The following IL12B variants were observed in gnomAD, a reference collection of about 807,000 sequenced individuals.
IL12B encodes interleukin-12 subunit beta.
Under a neutral mutation model 39.2 loss-of-function variants are expected in IL12B, and 27 were observed. That is an observed-to-expected ratio of 0.69 (90% CI 0.51 to 0.95). The LOEUF (loss-of-function observed/expected upper bound fraction) is 0.95. Ranked by LOEUF, IL12B falls within the 40% of genes least tolerant of loss-of-function variation. The probability of loss-of-function intolerance (pLI) is 0.00; values close to 1 mark genes in which losing one functional copy is unlikely to be tolerated. For synonymous variants in IL12B, 142 were observed against 152.1 expected (o/e 0.93, Z 0.49); for missense variants, 351 against 397.6 (o/e 0.88, Z 1.00).
chr5:159,318,975 C>T, intron 5 of IL12B, 82 bp from the exon 6 acceptor site: 1 of 1,174,472 alleles, frequency 8.5e-7, no homozygotes, highest in Non-Finnish European at 1.3e-6. Flanking sequence ...TCACTTGCAC[C>T]TTTGATCAGC....
chr5:159,319,030 T>C (rs1243531259), intron 5 of IL12B, 137 bp from the exon 6 acceptor site: 2 of 796,838 alleles, frequency 2.5e-6, no homozygotes, highest in Non-Finnish European at 4.2e-6. Flanking sequence ...AGCACCTGGC[T>C]GGCAAATGTG....
intron 4 of IL12B, 27 bp from the exon 5 acceptor site, chr5:159,320,547 G>A (rs750145566): frequency 2.5e-6 from 4 of 1,581,634 alleles, no homozygotes; most frequent in South Asian, 2.2e-5. Context: ...AAATTAGCCT[G>A]TGTTACACAT....
chr5:159,319,970 A>G (rs1296397491), intron 5 of IL12B, among the ~76,000 whole-genome samples: 2 of 152,234 alleles, frequency 1.3e-5, no homozygotes, highest in African/African-American at 2.4e-5. Flanking sequence ...GGTTCTGAAT[A>G]TGAATATTAT....
intron 4 of IL12B, 117 bp from the exon 5 acceptor site, chr5:159,320,637 C>T: frequency 1.2e-6 from 1 of 855,136 alleles, no homozygotes; most frequent in Non-Finnish European, 1.9e-6. Flanking sequence ...GTTTCTCCAA[C>T]TGGGCTGATT....
At position 159,322,460 on chromosome 5, in the gene IL12B, C is replaced by T. The variant is rs759434204; in HGVS notation, c.416G>A (p.Arg139His). 6.8e-6 allele frequency: 11 copies of T among 1,613,848 alleles called. No homozygotes were observed. Among genetic ancestry groups the T allele is most frequent in the East Asian group, 4.5e-5 (2 of 44,892 alleles). The change falls in exon 4 of 8, where the codon CGT (arginine) becomes CAT (histidine). Residue 139 changes from arginine to histidine, a missense_variant. Arg to His is a conservative substitution (Grantham distance 29). Coordinates refer to ENST00000231228, the MANE Select transcript of IL12B (RefSeq NM_002187.3). The part of the protein sequence containing the change: ...LRCEAKNYSG[R>H]FTCWWLTTIS... ...TGTCGTCAGCCACCAGCAGGTGAAA[C>T]GTCCAGAATAATTCTTGGCCTCGCA...
Position 159,317,039 on chromosome 5 carries a change from C to G in IL12B, c.856-223G>C, listed in dbSNP as rs149957653. ...CTTTGTAAGCCCTTGAGGGAGAAAT[C>G]GTTTGGCCCAGCTTTCATCTTTCTA... is the stretch of plus-strand genomic sequence containing the variant. On this transcript the variant is annotated intron_variant, in intron 6 of 7. Transcript: ENST00000231228. Among the ~76,000 whole-genome samples, 769 of 152,310 alleles carry G rather than the reference C, an allele frequency of 5.0e-3. 8 individuals carry two copies. Among genetic ancestry groups the G allele is most frequent in the African/African-American group, 0.017 (726 of 41,546 alleles).
At chr5:159,323,592 A>C (rs1278491239) in intron 2 of IL12B, among the ~76,000 whole-genome samples, 1 of 152,206 alleles carries the variant, frequency 6.6e-6, no homozygotes, top group East Asian at 1.9e-4. Flanking sequence ...ATTATTTAGC[A>C]GATTGGAAAC....
Position 159,323,124 on chromosome 5 carries a change from G to C in IL12B, c.294C>G (p.Ser98Arg), listed in dbSNP as rs1431364350. 1 of 1,614,126 alleles carries C rather than the reference G, an allele frequency of 6.2e-7. No homozygotes were observed. The highest frequency in any genetic ancestry group is 8.5e-7 in the Non-Finnish European group (1 of 1,179,998). The change falls in exon 3 of 8, where the codon AGC becomes AGG. Residue 98 changes from serine to arginine, a missense_variant. Physicochemically the swap from Ser to Arg is moderately radical, Grantham distance 110. Transcript: ENST00000231228. ...TTTTGTGAAGCAGCAGGAGCGAATG[G>C]CTTAGAACCTCGCCTCCTTTGTGAC... ...YTCHKGGEVLSHSLLLLHKKE... is the reference protein window; with the variant it reads ...YTCHKGGEVLRHSLLLLHKKE...
intron 6 of IL12B, among the ~76,000 whole-genome samples, chr5:159,317,790 C>T (rs1754014175): frequency 6.6e-6 from 1 of 152,372 alleles, no homozygotes; most frequent in African/African-American, 2.4e-5. Context: ...TCATTCATTA[C>T]ATGCACTCAG....
Position 159,318,845 on chromosome 5 carries a change from G to A in IL12B, c.746C>T (p.Ser249Phe), listed in dbSNP as rs1584752756. 1 of 1,614,020 alleles carries A rather than the reference G, an allele frequency of 6.2e-7. No homozygotes were observed. The highest frequency in any genetic ancestry group is 8.5e-7 in the Non-Finnish European group (1 of 1,179,896). Residue 249 changes from serine (S) to phenylalanine (F), a missense_variant, in exon 6 of 8, where the codon TCT (serine) becomes TTT (phenylalanine). By Grantham distance (155) the Ser-to-Phe change is radical. Coordinates refer to ENST00000231228, the MANE Select transcript of IL12B (RefSeq NM_002187.3). ...CTCCCAGCTGACCTCCACCTGCCGA[G>A]AATTCTTTAATGGCTTCAGCTGCAA... ...KNLQLKPLKN[S>F]RQVEVSWEYP...
In IL12B at chr5:159,318,813, C is replaced by T. The variant is rs765482576; in HGVS notation, c.778G>A (p.Asp260Asn). Reference protein sequence around the residue: ...RQVEVSWEYPDTWSTPHSYFS... With the variant: ...RQVEVSWEYPNTWSTPHSYFS... ...TAGGAATGTGGAGTACTCCAGGTGT[C>T]AGGGTACTCCCAGCTGACCTCCACC... Residue 260 changes from aspartate to asparagine, a missense_variant, in exon 6 of 8, where the codon GAC (aspartate) becomes AAC (asparagine). Coordinates refer to ENST00000231228, the MANE Select transcript of IL12B (RefSeq NM_002187.3). 1.9e-6 allele frequency: 3 copies of T among 1,613,182 alleles called. No homozygotes were observed. The highest frequency in any genetic ancestry group is 1.1e-5 in the South Asian group (1 of 91,070).
chr5:159,328,211 G>C (rs544577352), intron 1 of IL12B, among the ~76,000 whole-genome samples: 1 of 152,194 alleles, frequency 6.6e-6, no homozygotes, highest in Non-Finnish European at 1.5e-5. Flanking sequence ...CTTGGACACT[G>C]CTCAGTGCTG....
chr5:159,321,347 T>TTATA (rs530647543), intron 4 of IL12B, among the ~76,000 whole-genome samples: 94 of 146,428 alleles, frequency 6.4e-4, no homozygotes, highest in South Asian at 5.0e-3. Context: ...TATACACATT[T>TTATA]TATATATATA....
chr5:159,319,608 G>A (rs368920561), intron 5 of IL12B, among the ~76,000 whole-genome samples: 30 of 152,348 alleles, frequency 2.0e-4, no homozygotes, highest in East Asian at 3.9e-4. Context: ...CAGGTGCTTC[G>A]CACATATGCT....
In IL12B at chr5:159,320,383, G is replaced by A. The variant is rs1166346097; in HGVS notation, c.620C>T (p.Pro207Leu). The A allele has an allele frequency of 1.2e-6, 2 of 1,613,926 alleles. No individual in the cohort carries two copies. The highest frequency in any genetic ancestry group is 2.7e-5 in the African/African-American group (2 of 74,884). ...AACGGCATCCACCATGACCTCAATG[G>A]GCAGACTCTCCTCAGCAGCTGGGCA... ...SACPAAEESL[P>L]IEVMVDAVHK... The change falls in exon 5 of 8, where the codon CCC becomes CTC. Residue 207 changes from proline (P) to leucine (L), a missense_variant. Physicochemically the swap from Pro to Leu is moderately conservative, Grantham distance 98. Transcript: ENST00000231228.
In IL12B at chr5:159,318,855, A is replaced by G. The variant is rs372926766; in HGVS notation, c.736T>C (p.Leu246=). 3.7e-6 allele frequency: 6 copies of G among 1,613,916 alleles called. No homozygotes were observed. Among genetic ancestry groups the G allele is most frequent in the Non-Finnish European group, 5.1e-6 (6 of 1,179,962 alleles). The change falls in exon 6 of 8, where the codon TTA becomes CTA. Residue 246 remains leucine (L), a synonymous_variant. Coordinates refer to ENST00000231228, the MANE Select transcript of IL12B (RefSeq NM_002187.3). ...DPPKNLQLKP[L]KNSRQVEVSW... is the part of the protein sequence containing the mutation. The stretch of plus-strand genomic sequence containing the variant: ...ACCTCCACCTGCCGAGAATTCTTTA[A>G]TGGCTTCAGCTGCAAGTTCTTGGGT...
At chr5:159,319,925 T>G (rs1302119821) in intron 5 of IL12B, among the ~76,000 whole-genome samples, 1 of 152,202 alleles carries the variant, frequency 6.6e-6, no homozygotes, top group Non-Finnish European at 1.5e-5. Flanking sequence ...AAGGAAGGAT[T>G]GGTTGGGAAT....
intron 2 of IL12B, among the ~76,000 whole-genome samples, chr5:159,326,468 CT>C (rs1007506545): frequency 2.6e-5 from 4 of 152,242 alleles, no homozygotes; most frequent in Admixed American, 2.0e-4. Flanking sequence ...TATCATATGT[CT>C]TTCCCCACCA....
intron 4 of IL12B, among the ~76,000 whole-genome samples, chr5:159,321,111 C>T (rs1490429796): frequency 2.6e-5 from 4 of 151,748 alleles, no homozygotes; most frequent in Non-Finnish European, 5.9e-5. Flanking sequence ...GTGATCCCCT[C>T]CCTCTGCCTC....
Sources: allele counts gnomAD v4.1 joint callset (sites outside exome capture counted in the v4.1 genomes callset), GRCh38; gene constraint gnomAD v4.1.1; transcripts MANE v1.5; gene names NCBI Gene and HGNC (gene_info 2026-07-23, HGNC 2026-07-21).